RABGAP1: variants seen among roughly 807,000 people sequenced by gnomAD.
The protein encoded by RABGAP1 is rab GTPase-activating protein 1.
Under a neutral mutation model 137.6 loss-of-function variants are expected in RABGAP1, and 23 were observed. That is an observed-to-expected ratio of 0.17 (90% confidence interval 0.12 to 0.24). The LOEUF is 0.24. RABGAP1 is among the 10% of genes least tolerant of loss of function. RABGAP1 has a pLI of 1.00. For synonymous variants in RABGAP1, 451 were observed against 450.7 expected (o/e 1.00, Z -0.01); for missense variants, 906 against 1,275.8 (o/e 0.71, Z 4.42).
intron 13 of RABGAP1, among the ~76,000 whole-genome samples, chr9:123,037,351 G>C (rs992327507): frequency 6.6e-6 from 1 of 152,124 alleles, no homozygotes; most frequent in African/African-American, 2.4e-5. Flanking sequence ...TCAAACTTCA[G>C]ATTCTGGGTT....
In RABGAP1 at chr9:122,986,532, A is replaced by C. The variant is rs548624827; in HGVS notation, c.590+113A>C. The C allele has an allele frequency of 1.7e-5, 20 of 1,163,540 alleles. No individual in the cohort carries two copies. In the African/African-American group the frequency reaches 2.5e-4, roughly 14 times the overall value. The allele number at this position is 1,163,540 out of a possible 1,614,324, so 72.1% of individuals were successfully genotyped here. A position where few individuals can be genotyped will look rare whatever the true frequency, so the allele number is the denominator to read the frequency against. On this transcript the variant is annotated intron_variant, in intron 4 of 25. Coordinates refer to ENST00000373647, the MANE Select transcript of RABGAP1 (RefSeq NM_012197.4). ...TATTAATAGTTATTTTACTTGTGTA[A>C]CGTTTCATTTACCTGGCACTCATGT...
intron 20 of RABGAP1, 45 bp from the exon 21 acceptor site, chr9:123,090,230 A>C: frequency 2.8e-6 from 4 of 1,452,940 alleles, no homozygotes; most frequent in Non-Finnish European, 3.8e-6. Flanking sequence ...TTTCATTTCC[A>C]TCTGATTTTT....
chr9:123,004,892 A>C (rs2030072283), intron 10 of RABGAP1, among the ~76,000 whole-genome samples: 1 of 151,886 alleles, frequency 6.6e-6, no homozygotes, highest in Non-Finnish European at 1.5e-5. Context: ...CCCTGTCTCT[A>C]TTAAAAATAC....
intron 16 of RABGAP1, among the ~76,000 whole-genome samples, chr9:123,073,937 C>G (rs2034436129): frequency 6.6e-6 from 1 of 152,144 alleles, no homozygotes; most frequent in Non-Finnish European, 1.5e-5. Context: ...ACAGCTAACT[C>G]AGTCAAGAAG....
chr9:123,017,463 CTCT>C (rs1334027920), intron 12 of RABGAP1, among the ~76,000 whole-genome samples: 1 of 152,066 alleles, frequency 6.6e-6, no homozygotes. Context: ...ATAATAGTGT[CTCT>C]TCTTTAGTTC....
Position 123,103,598 on chromosome 9 carries a change from T to C in RABGAP1, c.*385T>C, listed in dbSNP as rs1363133460. 7.2e-4 allele frequency: 22 copies of C among 30,568 alleles called. No individual in the cohort carries two copies. Among genetic ancestry groups the C allele is most frequent in the African/African-American group, 5.8e-3 (14 of 2,400 alleles). 1.9% of individuals were successfully genotyped at this position (30,568 alleles called of 1,614,324 possible). On this transcript the variant is annotated 3_prime_UTR_variant, in exon 26 of 26. Transcript: ENST00000373647. Reference sequence around the variant, plus strand: ...TTTTTTTTTAATATACATATATATATATATATATATATATATATATATATA... The same window carrying C: ...TTTTTTTTTAATATACATATATATACATATATATATATATATATATATATA...
chr9:123,101,739 G>A lies in RABGAP1; in HGVS notation c.3063G>A (p.Leu1021=). ...AACTGGCACAGACCAAACTCCAGCT[G>A]GTGGAGGCCGAGTGTAAGATACAGG... is the stretch of plus-strand genomic sequence containing the variant. ...ELELAQTKLQ[L]VEAECKIQDL... is the part of the protein sequence containing the mutation. The change falls in exon 25 of 26, where the codon CTG becomes CTA. Residue 1021 remains leucine (L), a synonymous_variant. Coordinates refer to ENST00000373647, the MANE Select transcript of RABGAP1 (RefSeq NM_012197.4). 5 of 1,610,496 alleles carry A rather than the reference G, an allele frequency of 3.1e-6. No individual in the cohort carries two copies. Among genetic ancestry groups the A allele is most frequent in the Non-Finnish European group, 4.2e-6 (5 of 1,178,514 alleles).
chr9:122,987,865 A>G (rs1359865021), intron 4 of RABGAP1, among the ~76,000 whole-genome samples: 1 of 152,212 alleles, frequency 6.6e-6, no homozygotes, highest in African/African-American at 2.4e-5. Context: ...ATTGCCAACT[A>G]GCCATCTAGA....
chr9:123,043,996 G>T (rs1438385546), intron 13 of RABGAP1, among the ~76,000 whole-genome samples: 1 of 151,560 alleles, frequency 6.6e-6, no homozygotes, highest in Non-Finnish European at 1.5e-5. Flanking sequence ...CGCCTCCCGG[G>T]TTCAGGCCAT....
intron 2 of RABGAP1, among the ~76,000 whole-genome samples, chr9:122,964,929 A>C (rs1470750542): frequency 1.3e-5 from 2 of 152,196 alleles, no homozygotes; most frequent in Non-Finnish European, 2.9e-5. Flanking sequence ...CAGAGAGGTC[A>C]AGGCTGCAGT....
At chr9:123,006,828 C>G (rs1013559894) in intron 10 of RABGAP1, among the ~76,000 whole-genome samples, 1 of 151,970 alleles carries the variant, frequency 6.6e-6, no homozygotes, top group South Asian at 2.1e-4. Context: ...AGGGTAGTCT[C>G]GAACTCCTGA....
intron 2 of RABGAP1, among the ~76,000 whole-genome samples, chr9:122,974,812 T>C (rs1835680070): frequency 1.3e-5 from 2 of 152,178 alleles, no homozygotes; most frequent in Admixed American, 1.3e-4. Flanking sequence ...TTATGTTGTT[T>C]GGTTCTTCCT....
intron 2 of RABGAP1, among the ~76,000 whole-genome samples, chr9:122,959,364 C>CAAAAAAAA (rs33932737): frequency 9.3e-6 from 1 of 107,746 alleles, no homozygotes; most frequent in Admixed American, 1.1e-4. Context: ...TGGGGCTTTA[C>CAAAAAAAA]AAAAAAAAAA....
intron 13 of RABGAP1, among the ~76,000 whole-genome samples, chr9:123,037,601 A>G (rs1430037864): frequency 2.0e-5 from 3 of 152,214 alleles, no homozygotes; most frequent in Non-Finnish European, 2.9e-5. Flanking sequence ...TACATGTTAG[A>G]GAATGTAACC....
At chr9:123,077,610 CATTGTATTGTATTGTATTGT>C (rs71508192) in intron 19 of RABGAP1, among the ~76,000 whole-genome samples, 3,350 of 91,364 alleles carry the variant, frequency 0.037, 77 homozygotes, top group South Asian at 0.07. Context: ...GTTATCATAA[CATTGTATTGTATTGTATTGT>C]ATTGTATTGT....
chr9:122,932,550 A>T, the RABGAP1 span, among the ~76,000 whole-genome samples: 1 of 148,408 alleles, frequency 6.7e-6, no homozygotes, highest in Admixed American at 6.7e-5. Flanking sequence ...TTTTTTTGAG[A>T]TGGAGTTTCG....
intron 13 of RABGAP1, among the ~76,000 whole-genome samples, chr9:123,060,068 T>G (rs2033907269): frequency 6.6e-6 from 1 of 152,218 alleles, no homozygotes; most frequent in Non-Finnish European, 1.5e-5. Flanking sequence ...TAAAACCTGC[T>G]GCCATTCACA....
At position 123,025,112 on chromosome 9, in the gene RABGAP1, C is replaced by G. The variant is rs138671959; in HGVS notation, c.1794+4653C>G. ...TATTTTTGTATGTGGCATGAGAAAG[C>G]AGTTCGATTTTACTTTCTTCCAGAT... On this transcript the variant is annotated intron_variant, in intron 13 of 25. Transcript: ENST00000373647. Among the ~76,000 whole-genome samples the G allele has an allele frequency of 3.7e-3, 568 of 152,260 alleles. 5 individuals carry two copies. The highest frequency in any genetic ancestry group is 0.013 in the African/African-American group (544 of 41,560).
Position 123,103,189 on chromosome 9 carries a change from G to A in RABGAP1, c.3186G>A (p.Gly1062=). 1 of 1,614,036 alleles carries A rather than the reference G, an allele frequency of 6.2e-7. No individual in the cohort carries two copies. The highest frequency in any genetic ancestry group is 1.1e-5 in the South Asian group (1 of 91,068). ...RTLSSIKTAT[G]VQGKETC ...TGAGCTCCATAAAGACAGCAACCGG[G>A]GTTCAAGGGAAAGAGACTTGCTGAG... Residue 1062 remains glycine, a synonymous_variant, in exon 26 of 26, where the codon GGG becomes GGA. Transcript: ENST00000373647.
Sources: gnomAD v4.1 joint callset for allele counts (sites outside exome capture counted in the v4.1 genomes callset) on GRCh38, gnomAD v4.1.1 for gene constraint, MANE v1.5 for transcripts, NCBI Gene and HGNC (gene_info 2026-07-23, HGNC 2026-07-21) for gene names.